The following TFCP2 variants were observed in gnomAD, a reference collection of about 807,000 sequenced individuals.
TFCP2 encodes the protein alpha-globin transcription factor CP2.
A neutral mutation model predicts 73.4 loss-of-function variants in TFCP2; 33 were observed. The ratio of observed to expected loss-of-function variants is 0.45; its 90% CI spans 0.34 to 0.60. TFCP2 has a LOEUF of 0.60. Among genes scored for constraint, TFCP2 ranks in the 20% least tolerant of loss-of-function variants. The probability of loss-of-function intolerance (pLI) is 0.01; values close to 1 mark genes in which losing one functional copy is unlikely to be tolerated. For synonymous variants in TFCP2, 193 were observed against 211.6 expected, an observed-to-expected ratio of 0.91 and a Z score of 0.76; for missense variants, 352 against 604.0, an observed-to-expected ratio of 0.58 and a Z score of 4.37.
intron 4 of TFCP2, among the ~76,000 whole-genome samples, chr12:51,113,921 T>C (rs755460535): frequency 4.6e-5 from 7 of 152,148 alleles, no homozygotes; most frequent in Non-Finnish European, 1.0e-4. Context: ...TATATGGTTG[T>C]ACCATATACA....
chr12:51,170,927 C>G (rs1308827605), intron 1 of TFCP2, among the ~76,000 whole-genome samples: 4 of 152,162 alleles, frequency 2.6e-5, no homozygotes, highest in African/African-American at 9.7e-5. Context: ...ATCCGCCCAC[C>G]TCAGCCTACC....
chr12:51,165,519 T>C (rs1050038870), intron 1 of TFCP2, among the ~76,000 whole-genome samples: 9 of 151,330 alleles, frequency 5.9e-5, no homozygotes, highest in African/African-American at 9.7e-5. Context: ...AGGACAAATA[T>C]ATGATCCCAC....
intron 1 of TFCP2, among the ~76,000 whole-genome samples, chr12:51,150,001 A>G (rs553106784): frequency 7.5e-4 from 115 of 152,326 alleles, no homozygotes; most frequent in African/African-American, 2.7e-3. Flanking sequence ...TAACAGTTGA[A>G]GCCCCCTATA....
At chr12:51,133,725 GA>G (rs1302217414) in intron 1 of TFCP2, among the ~76,000 whole-genome samples, 1 of 152,098 alleles carries the variant, frequency 6.6e-6, no homozygotes, top group African/African-American at 2.4e-5. Flanking sequence ...TCAGGAGTTT[GA>G]GACCAGCCTG....
rs371407608 is a variant in TFCP2 at position 51,126,232 on chromosome 12, C to CAA, written c.123-7462_123-7461dup. ...TGGGTGACAGAGTGAGACTCTGTCT[C>CAA]AAAAAAAAAAAAAAAAAAAGAAAAG... is the stretch of plus-strand genomic sequence containing the variant. On this transcript the variant is annotated intron_variant, in intron 1 of 14. Coordinates refer to ENST00000257915, the MANE Select transcript of TFCP2 (RefSeq NM_005653.5). Among the ~76,000 whole-genome samples the CAA allele has an allele frequency of 9.1e-3, 789 of 87,032 alleles. 18 individuals carry two copies. Among genetic ancestry groups the CAA allele is most frequent in the East Asian group, 0.021 (62 of 2,956 alleles). 57.1% of individuals were successfully genotyped at this position (87,032 alleles called of 152,430 possible).
chr12:51,155,722 A>G (rs1217210466), intron 1 of TFCP2, among the ~76,000 whole-genome samples: 3 of 152,052 alleles, frequency 2.0e-5, no homozygotes, highest in Non-Finnish European at 4.4e-5. Flanking sequence ...TTTGTTGATG[A>G]TTTTTACATC....
intron 1 of TFCP2, among the ~76,000 whole-genome samples, chr12:51,152,509 C>T (rs112493291): frequency 6.6e-6 from 1 of 152,014 alleles, no homozygotes; most frequent in Non-Finnish European, 1.5e-5. Flanking sequence ...GTTAAGTTCC[C>T]GATTTTGATC....
intron 1 of TFCP2, among the ~76,000 whole-genome samples, chr12:51,120,467 T>A (rs1439535839): frequency 6.6e-6 from 1 of 152,082 alleles, no homozygotes; most frequent in African/African-American, 2.4e-5. Context: ...AGGGGATGAC[T>A]TGGAAGGTAT....
intron 1 of TFCP2, among the ~76,000 whole-genome samples, chr12:51,121,622 C>T (rs752661116): frequency 2.0e-5 from 3 of 151,544 alleles, no homozygotes; most frequent in Non-Finnish European, 4.4e-5. Flanking sequence ...CACGCCACCA[C>T]ACCCGACTAA....
At chr12:51,137,929 C>T (rs2137011425) in intron 1 of TFCP2, among the ~76,000 whole-genome samples, 1 of 152,204 alleles carries the variant, frequency 6.6e-6, no homozygotes, top group Non-Finnish European at 1.5e-5. Flanking sequence ...TGCTTTCTTC[C>T]CTCTTGCAGT....
intron 11 of TFCP2, 120 bp from the exon 12 acceptor site, chr12:51,099,899 G>T: frequency 8.2e-7 from 1 of 1,226,442 alleles, no homozygotes; most frequent in East Asian, 2.5e-5. Flanking sequence ...GAAGCTCATT[G>T]GCCAAATGCA....
intron 1 of TFCP2, among the ~76,000 whole-genome samples, chr12:51,132,161 C>T (rs1036796204): frequency 9.2e-5 from 14 of 152,034 alleles, no homozygotes; most frequent in Admixed American, 4.6e-4. Flanking sequence ...ATAAAAACCA[C>T]TTGAGATTTC....
At chr12:51,142,904 T>C (rs1941221488) in intron 1 of TFCP2, among the ~76,000 whole-genome samples, 1 of 152,062 alleles carries the variant, frequency 6.6e-6, no homozygotes, top group African/African-American at 2.4e-5. Flanking sequence ...AACTCAGTGG[T>C]CACTTCTCAG....
At chr12:51,157,772 C>T (rs1293835005) in intron 1 of TFCP2, among the ~76,000 whole-genome samples, 1 of 145,652 alleles carries the variant, frequency 6.9e-6, no homozygotes, top group Non-Finnish European at 1.5e-5. Context: ...CTGCAACCAC[C>T]GCCTGCCTCC....
At chr12:51,166,432 ATC>A (rs1941759990) in intron 1 of TFCP2, among the ~76,000 whole-genome samples, 1 of 152,114 alleles carries the variant, frequency 6.6e-6, no homozygotes, top group Non-Finnish European at 1.5e-5. Context: ...AAAAGATGAC[ATC>A]TCTGACTGTG....
At chr12:51,128,629 C>T (rs1379079938) in intron 1 of TFCP2, among the ~76,000 whole-genome samples, 1 of 152,146 alleles carries the variant, frequency 6.6e-6, no homozygotes, top group East Asian at 1.9e-4. Flanking sequence ...AAAATAAAGT[C>T]TCTCTTGATA....
intron 13 of TFCP2, 115 bp downstream of exon 13, chr12:51,098,661 G>T: frequency 3.2e-6 from 4 of 1,231,540 alleles, no homozygotes; most frequent in Middle Eastern, 2.3e-4. Flanking sequence ...AAGCAAAAAA[G>T]TATGAAACCC....
chr12:51,137,137 C>T (rs1238313837), intron 1 of TFCP2, among the ~76,000 whole-genome samples: 2 of 152,070 alleles, frequency 1.3e-5, no homozygotes, highest in African/African-American at 4.8e-5. Flanking sequence ...TTCTTCAGCA[C>T]GATTATGAGA....
chr12:51,149,314 T>C (rs1941370666), intron 1 of TFCP2, among the ~76,000 whole-genome samples: 1 of 151,958 alleles, frequency 6.6e-6, no homozygotes. Flanking sequence ...ATACATTGGG[T>C]ACACTGTACA....
Sources: allele counts gnomAD v4.1 joint callset (sites outside exome capture counted in the v4.1 genomes callset), GRCh38; gene constraint gnomAD v4.1.1; transcripts MANE v1.5; gene names NCBI Gene and HGNC (gene_info 2026-07-23, HGNC 2026-07-21).